TSNARE1: variants seen among roughly 807,000 people sequenced by gnomAD.
The protein encoded by TSNARE1 is t-SNARE domain-containing protein 1.
Under a neutral mutation model 62.0 loss-of-function variants are expected in TSNARE1, and 49 were observed. The observed-to-expected ratio is 0.79, with a 90% confidence interval of 0.63 to 1.00. The LOEUF is 1.00. Among genes scored for constraint, TSNARE1 ranks in the 50% least tolerant of loss-of-function variants. The pLI, the probability that TSNARE1 is intolerant of heterozygous loss-of-function variation, is 0.00. For missense variants in TSNARE1, 755 were observed against 700.1 expected (o/e 1.08, Z -0.88); for synonymous variants, 328 against 294.4 (o/e 1.11, Z -1.17).
intron 13 of TSNARE1, among the ~76,000 whole-genome samples, chr8:142,226,983 G>GCCCTCCACT (rs1563760415): frequency 9.3e-6 from 1 of 107,030 alleles, no homozygotes; most frequent in Non-Finnish European, 2.0e-5. Context: ...GTGACAGCAA[G>GCCCTCCACT]GCCCCCCACT....
chr8:142,296,714 G>T (rs887320292), intron 10 of TSNARE1, among the ~76,000 whole-genome samples: 1 of 152,004 alleles, frequency 6.6e-6, no homozygotes, highest in Admixed American at 6.5e-5. Flanking sequence ...AGGGCACGCC[G>T]TGGAAGCAGC....
chr8:142,295,202 C>T (rs1408144887), intron 10 of TSNARE1, among the ~76,000 whole-genome samples: 1 of 152,118 alleles, frequency 6.6e-6, no homozygotes, highest in Admixed American at 6.6e-5. Context: ...CTGGCACAAC[C>T]CCTCCCGCTA....
rs1005042090 is a variant in TSNARE1, at chr8:142,398,220, G to A, written c.-40+4884C>T. On this transcript the variant is annotated intron_variant, in intron 1 of 13. Coordinates refer to ENST00000524325, the MANE Select transcript of TSNARE1 (RefSeq NM_145003.5). ...GTATCTACCCAGCCCTGCCCAAAACGCACCCCCAAACCCTCCCAAAGCGCA... is the reference window on the plus strand; with the variant it reads ...GTATCTACCCAGCCCTGCCCAAAACACACCCCCAAACCCTCCCAAAGCGCA... Among the ~76,000 whole-genome samples the A allele has an allele frequency of 1.9e-4, 27 of 145,060 alleles. 1 individual carries two copies. The highest frequency in any genetic ancestry group is 6.2e-4 in the African/African-American group (24 of 38,924).
intron 1 of TSNARE1, among the ~76,000 whole-genome samples, chr8:142,369,883 C>G (rs560930177): frequency 1.3e-5 from 2 of 152,212 alleles, no homozygotes; most frequent in Middle Eastern, 3.2e-3. Context: ...AGAGAGAGAA[C>G]AGTGGCAGAG....
At chr8:142,268,557 T>C (rs1819259988) in intron 12 of TSNARE1, among the ~76,000 whole-genome samples, 1 of 152,198 alleles carries the variant, frequency 6.6e-6, no homozygotes, top group African/African-American at 2.4e-5. Context: ...CTTGGCAGAT[T>C]GCACGCTGCC....
At chr8:142,330,552 A>G (rs1328773708) in intron 6 of TSNARE1, among the ~76,000 whole-genome samples, 1 of 152,256 alleles carries the variant, frequency 6.6e-6, no homozygotes, top group East Asian at 1.9e-4. Context: ...GAGCCTTCAG[A>G]CATGACAAAG....
chr8:142,327,951 C>G (rs143948852), intron 6 of TSNARE1, among the ~76,000 whole-genome samples: 2 of 152,188 alleles, frequency 1.3e-5, no homozygotes, highest in East Asian at 3.9e-4. Context: ...CCCACCAGGG[C>G]CACCCAACCT....
intron 12 of TSNARE1, chr8:142,269,559 C>T (rs889670148): frequency 1.0e-6 from 1 of 983,340 alleles, no homozygotes; most frequent in Non-Finnish European, 1.2e-6. Flanking sequence ...GAACTCCTGG[C>T]CTCAAGTGAT....
chr8:142,214,016 A>C (rs1251276741), intron 13 of TSNARE1, among the ~76,000 whole-genome samples: 2 of 152,180 alleles, frequency 1.3e-5, no homozygotes, highest in African/African-American at 4.8e-5. Flanking sequence ...CAGTCCCTGG[A>C]GACACCTGTC....
chr8:142,368,618 A>G (rs1835722465), intron 1 of TSNARE1, among the ~76,000 whole-genome samples: 1 of 152,144 alleles, frequency 6.6e-6, no homozygotes, highest in South Asian at 2.1e-4. Context: ...AGAAGAATGA[A>G]GCCACCTGGG....
At chr8:142,377,445 A>T (rs528838246) in intron 1 of TSNARE1, among the ~76,000 whole-genome samples, 1 of 152,362 alleles carries the variant, frequency 6.6e-6, no homozygotes, top group East Asian at 1.9e-4. Flanking sequence ...AAACATGACA[A>T]AGGCTGCTAC....
chr8:142,270,520 G>T (rs1053152141), intron 12 of TSNARE1: 10 of 918,772 alleles, frequency 1.1e-5, no homozygotes, highest in South Asian at 5.2e-5. Context: ...ATTTATAACA[G>T]AAAATTGGAT....
At chr8:142,347,025 C>G (rs1175791612) in intron 2 of TSNARE1, among the ~76,000 whole-genome samples, 2 of 152,222 alleles carry the variant, frequency 1.3e-5, no homozygotes, top group African/African-American at 4.8e-5. Context: ...CAGAGACAGG[C>G]CTACGGCCAC....
rs1289460568 is a variant in TSNARE1, at chr8:142,331,811, T to G, written c.766A>C (p.Asn256His). 2 of 1,609,016 alleles carry G rather than the reference T, an allele frequency of 1.2e-6. No homozygotes were observed. The highest frequency in any genetic ancestry group is 1.7e-5 in the Admixed American group (1 of 59,464). The change falls in exon 5 of 14, where the codon AAC becomes CAC. Residue 256 changes from asparagine (N) to histidine (H), a missense_variant. Coordinates refer to ENST00000524325, the MANE Select transcript of TSNARE1 (RefSeq NM_145003.5). ...PPRATQVDPC[N>H]LQELFQEMSA... is the part of the protein sequence containing the mutation. Reference sequence around the variant, plus strand: ...ATCTCCTGGAACAGCTCCTGGAGGTTGCACGGATCGACCTGGGTGGCTGGG... The same window carrying G: ...ATCTCCTGGAACAGCTCCTGGAGGTGGCACGGATCGACCTGGGTGGCTGGG...
rs549762997 is a variant in TSNARE1 at position 142,220,650 on chromosome 8, C to T, written c.*12-8337G>A. ...AGGGGCATCTACGTTATCTCTCAGG[C>T]TTCTGAGTGAAAGGCGCCACTATGG... is the stretch of plus-strand genomic sequence containing the variant. On this transcript the variant is annotated intron_variant, in intron 13 of 13. Coordinates refer to ENST00000524325, the MANE Select transcript of TSNARE1 (RefSeq NM_145003.5). 2.0e-5 allele frequency among the ~76,000 whole-genome samples: 3 copies of T among 152,336 alleles called. No individual in the cohort carries two copies. In the East Asian group the frequency reaches 5.8e-4, roughly 29 times the overall value.
At chr8:142,244,030 C>T (rs931513572) in intron 12 of TSNARE1, among the ~76,000 whole-genome samples, 1 of 152,078 alleles carries the variant, frequency 6.6e-6, no homozygotes, top group Non-Finnish European at 1.5e-5. Flanking sequence ...ACTAAAAGTA[C>T]AAAAAATTAG....
chr8:142,342,855 C>T (rs989017270), intron 4 of TSNARE1, among the ~76,000 whole-genome samples: 16 of 151,800 alleles, frequency 1.1e-4, no homozygotes, highest in African/African-American at 3.6e-4. Context: ...AGCACCTGTC[C>T]AGGCAACTTC....
Position 142,285,396 on chromosome 8 carries a change from ATGGG to A in TSNARE1, c.1291-915_1291-912del, listed in dbSNP as rs1381005370. On this transcript the variant is annotated intron_variant, in intron 10 of 13. Coordinates refer to ENST00000524325, the MANE Select transcript of TSNARE1 (RefSeq NM_145003.5). ...GATGTATGGATGGGTGAATGGATGG[ATGGG>A]TGGGTGGGTGGATGGATGGATGGAT... Among the ~76,000 whole-genome samples, 4 of 121,898 alleles carry A rather than the reference ATGGG, an allele frequency of 3.3e-5. No individual in the cohort carries two copies. In the East Asian group the frequency reaches 9.0e-4, roughly 27 times the overall value. 80.0% of individuals were successfully genotyped at this position (121,898 alleles called of 152,430 possible).
chr8:142,228,861 G>A (rs2130059915), intron 13 of TSNARE1, among the ~76,000 whole-genome samples: 1 of 152,326 alleles, frequency 6.6e-6, no homozygotes, highest in African/African-American at 2.4e-5. Flanking sequence ...AAGGATGAAT[G>A]GTGGATGGGT....
Sources: gnomAD v4.1 joint callset for allele counts (sites outside exome capture counted in the v4.1 genomes callset) on GRCh38, gnomAD v4.1.1 for gene constraint, MANE v1.5 for transcripts, NCBI Gene and HGNC (gene_info 2026-07-23, HGNC 2026-07-21) for gene names.